Variants in RBFOX3 observed in about 807,000 individuals in gnomAD.
The protein encoded by RBFOX3 is RNA binding fox-1 homolog 3, also known as RNA binding protein fox-1 homolog 3.
In RBFOX3, 17 loss-of-function variants were observed where a neutral mutation model predicts 48.7. The ratio of observed to expected loss-of-function variants is 0.35; its 90% CI spans 0.24 to 0.52. The LOEUF (loss-of-function observed/expected upper bound fraction) is 0.52. RBFOX3 is among the 20% of genes least tolerant of loss of function. The pLI is 0.94. For synonymous variants in RBFOX3, 212 were observed against 209.5 expected (o/e 1.01, Z -0.10); for missense variants, 382 against 497.5 (o/e 0.77, Z 2.21).
intron 3 of RBFOX3, among the ~76,000 whole-genome samples, chr17:79,303,387 G>C (rs1477719391): frequency 6.6e-6 from 1 of 151,968 alleles, no homozygotes; most frequent in Non-Finnish European, 1.5e-5. Context: ...TTGGGGAAGT[G>C]GGGGTCTCAG....
At chr17:79,616,975 G>C in the RBFOX3 span, among the ~76,000 whole-genome samples, 1 of 152,108 alleles carries the variant, frequency 6.6e-6, no homozygotes, top group Admixed American at 6.5e-5. Flanking sequence ...CTGGAAGAGA[G>C]GTGTTCGGCC....
chr17:79,268,217 G>A (rs1217552456), intron 3 of RBFOX3, among the ~76,000 whole-genome samples: 1 of 152,232 alleles, frequency 6.6e-6, no homozygotes, highest in East Asian at 1.9e-4. Flanking sequence ...AGGACTGGCG[G>A]GTTGCAGACC....
At chr17:79,217,670 G>C (rs1386442909) in intron 4 of RBFOX3, among the ~76,000 whole-genome samples, 1 of 152,038 alleles carries the variant, frequency 6.6e-6, no homozygotes, top group African/African-American at 2.4e-5. Context: ...TCCTGGAGGT[G>C]GTGACAGCTA....
At chr17:79,117,423 G>A (rs757593176) in intron 4 of RBFOX3, among the ~76,000 whole-genome samples, 4 of 152,178 alleles carry the variant, frequency 2.6e-5, no homozygotes, top group Non-Finnish European at 5.9e-5. Flanking sequence ...CCATCACCCG[G>A]GGCCACGCAC....
At chr17:79,355,700 C>A (rs187386954) in intron 2 of RBFOX3, among the ~76,000 whole-genome samples, 5 of 152,088 alleles carry the variant, frequency 3.3e-5, no homozygotes, top group African/African-American at 2.4e-5. Flanking sequence ...CCTGCCTCAG[C>A]CTTCCTAGTA....
intron 12 of RBFOX3, 87 bp from the exon 13 acceptor site, chr17:79,095,661 G>A: frequency 8.3e-7 from 1 of 1,211,336 alleles, no homozygotes; most frequent in Non-Finnish European, 1.2e-6. Flanking sequence ...GACAGACCCT[G>A]TGCGGGTGGG....
chr17:79,292,608 ACACACACATACATG>A (rs2073539434), intron 3 of RBFOX3, among the ~76,000 whole-genome samples: 1 of 70,564 alleles, frequency 1.4e-5, no homozygotes. Context: ...ACGCACACAC[ACACACACATACATG>A]CAGACCCAGT....
intron 2 of RBFOX3, among the ~76,000 whole-genome samples, chr17:79,478,406 T>C (rs1555764299): frequency 1.3e-5 from 2 of 151,824 alleles, no homozygotes; most frequent in Non-Finnish European, 2.9e-5. Context: ...CCCGCTCCCA[T>C]CTCATCACGG....
At chr17:79,626,500 G>A in the RBFOX3 span, among the ~76,000 whole-genome samples, 21 of 152,290 alleles carry the variant, frequency 1.4e-4, no homozygotes, top group African/African-American at 2.9e-4. Flanking sequence ...ATCATCCCCC[G>A]TCTGGAACCA....
In RBFOX3 at chr17:79,395,126, C is replaced by T. The variant is rs140678403; in HGVS notation, c.-174-87302G>A. On this transcript the variant is annotated intron_variant, in intron 2 of 14. Coordinates refer to ENST00000693108, the MANE Select transcript of RBFOX3 (RefSeq NM_001350451.2). The stretch of plus-strand genomic sequence containing the variant: ...TCTGGGCCTCCCGTCAACCTTCTGC[C>T]GGAGACCAGGGATTCAAGGATCAGT... Among the ~76,000 whole-genome samples, 811 of 152,354 alleles carry T rather than the reference C, an allele frequency of 5.3e-3. 9 individuals carry two copies. The highest frequency in any genetic ancestry group is 0.019 in the African/African-American group (772 of 41,580).
the RBFOX3 span, among the ~76,000 whole-genome samples, chr17:79,641,115 CAAAT>C: frequency 6.6e-6 from 1 of 152,090 alleles, no homozygotes; most frequent in Non-Finnish European, 1.5e-5. Flanking sequence ...AGCAAAGAAA[CAAAT>C]AACCCAAGTT....
chr17:79,621,954 G>A, the RBFOX3 span, among the ~76,000 whole-genome samples: 2 of 152,228 alleles, frequency 1.3e-5, no homozygotes, highest in African/African-American at 4.8e-5. Context: ...AGGCTGCAGA[G>A]AAGACCGCAA....
chr17:79,596,054 A>T (rs1228953905), intron 1 of RBFOX3, among the ~76,000 whole-genome samples: 3 of 152,160 alleles, frequency 2.0e-5, no homozygotes, highest in African/African-American at 4.8e-5. Flanking sequence ...GCAATCCAGA[A>T]CCTTCCTGGT....
chr17:79,634,392 G>A, the RBFOX3 span, among the ~76,000 whole-genome samples: 5 of 151,924 alleles, frequency 3.3e-5, no homozygotes, highest in South Asian at 4.2e-4. Flanking sequence ...AAGGCCTTCC[G>A]CCCCTGCTGT....
At chr17:79,492,010 A>C (rs999970365) in intron 1 of RBFOX3, among the ~76,000 whole-genome samples, 21 of 152,212 alleles carry the variant, frequency 1.4e-4, no homozygotes, top group Admixed American at 3.3e-4. Flanking sequence ...TGGGAGGTGG[A>C]AATTGCGGTG....
intron 3 of RBFOX3, among the ~76,000 whole-genome samples, chr17:79,247,982 A>G (rs1309465772): frequency 4.0e-5 from 6 of 151,564 alleles, no homozygotes; most frequent in Admixed American, 4.0e-4. Context: ...AGCCACCCTT[A>G]GCACAGTGCC....
chr17:79,262,064 T>C (rs554808219), intron 3 of RBFOX3, among the ~76,000 whole-genome samples: 1 of 152,348 alleles, frequency 6.6e-6, no homozygotes, highest in African/African-American at 2.4e-5. Flanking sequence ...CTTTTGAGAT[T>C]CTTTTGAGTT....
At chr17:79,310,009 C>T (rs185749560) in intron 2 of RBFOX3, among the ~76,000 whole-genome samples, 4 of 152,282 alleles carry the variant, frequency 2.6e-5, no homozygotes, top group Non-Finnish European at 4.4e-5. Context: ...CGCCCTAAAA[C>T]GGAAGTTTCC....
chr17:79,292,303 C>T (rs551583658), intron 3 of RBFOX3, among the ~76,000 whole-genome samples: 14 of 152,068 alleles, frequency 9.2e-5, no homozygotes, highest in Middle Eastern at 3.4e-3. Context: ...ACAGACCCCA[C>T]GAGTGTCAGG....
Sources: gnomAD v4.1 joint callset for allele counts (sites outside exome capture counted in the v4.1 genomes callset) on GRCh38, gnomAD v4.1.1 for gene constraint, MANE v1.5 for transcripts, NCBI Gene and HGNC (gene_info 2026-07-23, HGNC 2026-07-21) for gene names.